TBC1D30: variants seen among roughly 807,000 people sequenced by gnomAD.
TBC1D30 encodes the protein TBC1 domain family, member 30.
Under a neutral mutation model 63.2 loss-of-function variants are expected in TBC1D30, and 31 were observed. The observed-to-expected ratio is 0.49, with a 90% confidence interval of 0.37 to 0.66. TBC1D30 has a LOEUF of 0.66. Among genes scored for constraint, TBC1D30 ranks in the 30% least tolerant of loss-of-function variants. TBC1D30 has a pLI of 0.00. For missense variants in TBC1D30, 810 were observed against 953.6 expected (o/e 0.85, Z 1.98); for synonymous variants, 307 against 361.5 (o/e 0.85, Z 1.71).
chr12:64,764,577 G>A (rs1300494967), intron 1 of TBC1D30, among the ~76,000 whole-genome samples: 1 of 152,208 alleles, frequency 6.6e-6, no homozygotes, highest in African/African-American at 2.4e-5. Flanking sequence ...CACATGTAAA[G>A]AGAAACAAAC....
At chr12:64,817,945 C>T (rs1260769486) in intron 2 of TBC1D30, among the ~76,000 whole-genome samples, 1 of 151,962 alleles carries the variant, frequency 6.6e-6, no homozygotes, top group African/African-American at 2.4e-5. Flanking sequence ...CACCTGTAAT[C>T]CCAGCTACTC....
intron 10 of TBC1D30, chr12:64,868,116 T>C (rs1878372794): frequency 5.8e-6 from 1 of 171,198 alleles, no homozygotes; most frequent in South Asian, 1.5e-4. Flanking sequence ...TCCAACAGTA[T>C]AGATCTCATG....
chr12:64,876,046 A>G lies in TBC1D30; in HGVS notation c.*258A>G. 1 of 412,688 alleles carries G rather than the reference A, an allele frequency of 2.4e-6. No individual in the cohort carries two copies. The highest frequency in any genetic ancestry group is 4.3e-6 in the Non-Finnish European group (1 of 234,086). 25.6% of individuals were successfully genotyped at this position (412,688 alleles called of 1,614,324 possible). On this transcript the variant is annotated 3_prime_UTR_variant, in exon 12 of 12. Coordinates refer to ENST00000539867, the MANE Select transcript of TBC1D30 (RefSeq NM_015279.2). ...GGTTTTATAGTGTGAAGTTTTCCCAATTTTTCATTGTGAGCTGTTTAAAAA... is the reference window on the plus strand; with the variant it reads ...GGTTTTATAGTGTGAAGTTTTCCCAGTTTTTCATTGTGAGCTGTTTAAAAA...
Position 64,824,848 on chromosome 12 carries a change from G to A in TBC1D30, c.-32G>A, listed in dbSNP as rs560859804. 2.7e-5 allele frequency: 41 copies of A among 1,529,218 alleles called. No individual in the cohort carries two copies. In the South Asian group the frequency reaches 3.4e-4, roughly 13 times the overall value. The allele number at this position is 1,529,218 out of a possible 1,614,324, so 94.7% of individuals were successfully genotyped here. A position where few individuals can be genotyped will look rare whatever the true frequency, so the allele number is the denominator to read the frequency against. On this transcript the variant is annotated 5_prime_UTR_variant, in exon 1 of 12. Coordinates refer to ENST00000539867, the MANE Select transcript of TBC1D30 (RefSeq NM_015279.2). ...TGGGGTAGCGGGGACCGAGACGGAC[G>A]GTAGCCGTGCCAGAGCCCGGGGCGC...
chr12:64,785,391 GC>G (rs928859979), intron 1 of TBC1D30, among the ~76,000 whole-genome samples: 5 of 151,356 alleles, frequency 3.3e-5, no homozygotes, highest in African/African-American at 1.2e-4. Context: ...CAGGTAATCT[GC>G]CCTCCTTGGC....
upstream of TBC1D30, among the ~76,000 whole-genome samples, chr12:64,778,286 T>C (rs1871138278): frequency 6.6e-6 from 1 of 152,342 alleles, no homozygotes; most frequent in South Asian, 2.1e-4. Flanking sequence ...CAAATATTTA[T>C]TGAGCAGTTA....
chr12:64,845,036 G>T (rs925462586), intron 8 of TBC1D30, among the ~76,000 whole-genome samples: 4 of 152,092 alleles, frequency 2.6e-5, no homozygotes, highest in African/African-American at 7.2e-5. Context: ...TACTTAGGTT[G>T]CTTCCAATTC....
intron 1 of TBC1D30, among the ~76,000 whole-genome samples, chr12:64,762,435 A>G (rs1312550799): frequency 6.6e-6 from 1 of 152,216 alleles, no homozygotes; most frequent in Non-Finnish European, 1.5e-5. Flanking sequence ...GGGTAGACCA[A>G]TTAGGTAGAG....
chr12:64,797,793 G>A (rs1359178668), intron 2 of TBC1D30, among the ~76,000 whole-genome samples: 3 of 152,180 alleles, frequency 2.0e-5, no homozygotes, highest in Non-Finnish European at 4.4e-5. Flanking sequence ...TGAACCTCGA[G>A]ATGAACTGTT....
chr12:64,776,094 G>C (rs1021116669), upstream of TBC1D30, among the ~76,000 whole-genome samples: 4 of 152,148 alleles, frequency 2.6e-5, no homozygotes, highest in African/African-American at 7.2e-5. Flanking sequence ...ACAAAGATAT[G>C]ACATACCAGA....
intron 2 of TBC1D30, among the ~76,000 whole-genome samples, chr12:64,811,598 AC>A (rs1229029021): frequency 6.6e-6 from 1 of 152,166 alleles, no homozygotes; most frequent in Non-Finnish European, 1.5e-5. Context: ...GCCCCATCCC[AC>A]TGTGTACCCT....
intron 1 of TBC1D30, among the ~76,000 whole-genome samples, chr12:64,768,989 G>A (rs78001404): frequency 0.14 from 21,311 of 151,904 alleles, 1,955 homozygotes; most frequent in Non-Finnish European, 0.21. Context: ...AAACCCCATC[G>A]CTACAATAAA....
In TBC1D30 at chr12:64,840,911, A is replaced by G. The variant is rs536302427; in HGVS notation, c.932+2060A>G. On this transcript the variant is annotated intron_variant, in intron 7 of 11. Coordinates refer to ENST00000539867, the MANE Select transcript of TBC1D30 (RefSeq NM_015279.2). ...GGGAAAGGAAAGGCAATTGACATAC[A>G]TCATAAGTGCCTGCAGTGCCTGCCA... Among the ~76,000 whole-genome samples, 378 of 152,350 alleles carry G rather than the reference A, an allele frequency of 2.5e-3. 4 individuals are homozygous for G. The highest frequency in any genetic ancestry group is 7.2e-3 in the African/African-American group (300 of 41,580).
chr12:64,794,062 C>T (rs886660356), intron 2 of TBC1D30, among the ~76,000 whole-genome samples: 5 of 152,174 alleles, frequency 3.3e-5, no homozygotes, highest in South Asian at 2.1e-4. Context: ...GCGCTTTGAT[C>T]GACTATTCTA....
At chr12:64,806,597 C>T (rs889750622) in intron 2 of TBC1D30, among the ~76,000 whole-genome samples, 12 of 152,134 alleles carry the variant, frequency 7.9e-5, no homozygotes, top group African/African-American at 2.7e-4. Flanking sequence ...AATGGGGGAG[C>T]TGCTATGGAA....
chr12:64,874,808 G>A lies in TBC1D30; in HGVS notation c.1499-193G>A, dbSNP rs551003147. Among the ~76,000 whole-genome samples, 25 of 152,184 alleles carry A rather than the reference G, an allele frequency of 1.6e-4. 1 individual carries two copies. Among genetic ancestry groups the A allele is most frequent in the African/African-American group, 5.3e-4 (22 of 41,514 alleles). ...GGTCCCTTCCTCTTTAAAGAAGAGCGCATTGGTATTCCAGGCTCTTCGGTT... is the reference window on the plus strand; with the variant it reads ...GGTCCCTTCCTCTTTAAAGAAGAGCACATTGGTATTCCAGGCTCTTCGGTT... On this transcript the variant is annotated intron_variant, in intron 11 of 11. Transcript: ENST00000539867.
chr12:64,765,186 G>A (rs1176290862), intron 1 of TBC1D30, among the ~76,000 whole-genome samples: 7 of 152,182 alleles, frequency 4.6e-5, no homozygotes, highest in Middle Eastern at 3.4e-3. Flanking sequence ...AATGTCCTGC[G>A]TTGAATAAGA....
chr12:64,855,551 T>C (rs1215254174), intron 8 of TBC1D30, among the ~76,000 whole-genome samples: 1 of 152,236 alleles, frequency 6.6e-6, no homozygotes, highest in African/African-American at 2.4e-5. Flanking sequence ...CTGTGTATTT[T>C]CATATAGCCT....
intron 8 of TBC1D30, among the ~76,000 whole-genome samples, chr12:64,853,769 C>T: frequency 6.6e-6 from 1 of 152,202 alleles, no homozygotes; most frequent in East Asian, 1.9e-4. Context: ...CTTGTGTTTC[C>T]TGGGTGAGGT....
Sources: allele counts gnomAD v4.1 joint callset (sites outside exome capture counted in the v4.1 genomes callset), GRCh38; gene constraint gnomAD v4.1.1; transcripts MANE v1.5; gene names NCBI Gene and HGNC (gene_info 2026-07-23, HGNC 2026-07-21).